ARFGEF3: variants seen among roughly 807,000 people sequenced by gnomAD.
ARFGEF3 encodes ARFGEF family member 3.
ARFGEF3 carries 96 observed loss-of-function variants against 221.7 expected under a neutral mutation model. The ratio of observed to expected loss-of-function variants is 0.43; its 90% CI spans 0.37 to 0.51. The LOEUF (loss-of-function observed/expected upper bound fraction) is 0.51, where lower values mean the gene tolerates loss of function less well. ARFGEF3 is among the 20% of genes least tolerant of loss of function. The pLI is 0.00. For missense variants in ARFGEF3, 2,410 were observed against 2,789.9 expected (o/e 0.86, Z 3.07); for synonymous variants, 1,145 against 1,126.8 (o/e 1.02, Z -0.32).
rs1776638059 is a variant in ARFGEF3 at position 138,162,451 on chromosome 6, G to C, written c.85+280G>C. Among the ~76,000 whole-genome samples the C allele has an allele frequency of 6.6e-6, 1 of 152,178 alleles. No individual in the cohort carries two copies. The highest frequency in any genetic ancestry group is 2.4e-5 in the African/African-American group (1 of 41,456). On this transcript the variant is annotated intron_variant, in intron 1 of 33. Transcript: ENST00000251691. This position sits in a 1 kb window ranked among gnomAD's most constrained non-coding sequence, Gnocchi z 4.7. Reference sequence around the variant, plus strand: ...TTCTCCTGGTCCCGGCGCTGGGGACGATGCTTCCCCATCGCCGAGTTAGGC... The same window carrying C: ...TTCTCCTGGTCCCGGCGCTGGGGACCATGCTTCCCCATCGCCGAGTTAGGC...
At chr6:138,264,234 G>T (rs934715559) in intron 12 of ARFGEF3, among the ~76,000 whole-genome samples, 1 of 152,148 alleles carries the variant, frequency 6.6e-6, no homozygotes, top group African/African-American at 2.4e-5. Flanking sequence ...TTATTGAAGG[G>T]CAGAAGAGAA....
chr6:138,264,918 T>G (rs80133302), intron 12 of ARFGEF3, among the ~76,000 whole-genome samples: 1 of 151,546 alleles, frequency 6.6e-6, no homozygotes, highest in Non-Finnish European at 1.5e-5. Flanking sequence ...TTTTTTTTTT[T>G]TCTGAGAGAA....
At chr6:138,292,925 A>T (rs935401525) in intron 19 of ARFGEF3, among the ~76,000 whole-genome samples, 2 of 152,240 alleles carry the variant, frequency 1.3e-5, no homozygotes, top group African/African-American at 4.8e-5. Context: ...GGAATATAAT[A>T]TTCATCACTG....
intron 24 of ARFGEF3, among the ~76,000 whole-genome samples, chr6:138,310,230 T>G (rs1226410605): frequency 6.6e-6 from 1 of 152,230 alleles, no homozygotes; most frequent in Admixed American, 6.5e-5. Context: ...TTGGGACGCC[T>G]GCTGTAATCG....
chr6:138,182,477 C>T (rs1402351703), intron 2 of ARFGEF3, among the ~76,000 whole-genome samples: 1 of 152,180 alleles, frequency 6.6e-6, no homozygotes, highest in East Asian at 1.9e-4. Flanking sequence ...AATGCAATTT[C>T]CAAGGAGCCA....
chr6:138,243,719 GA>G (rs66483625), intron 7 of ARFGEF3, among the ~76,000 whole-genome samples: 6 of 149,554 alleles, frequency 4.0e-5, no homozygotes, highest in South Asian at 2.1e-4. Flanking sequence ...GAGGAGGAGG[GA>G]AAAAAAAAGG....
At chr6:138,286,357 A>G (rs1220914356) in intron 15 of ARFGEF3, among the ~76,000 whole-genome samples, 8 of 151,692 alleles carry the variant, frequency 5.3e-5, no homozygotes, top group Admixed American at 5.3e-4. Flanking sequence ...GGCTGAGGCA[A>G]GAGAATGGCA....
chr6:138,318,785 A>G (rs1488351288), intron 27 of ARFGEF3, among the ~76,000 whole-genome samples: 1 of 152,238 alleles, frequency 6.6e-6, no homozygotes, highest in African/African-American at 2.4e-5. Context: ...AATGTTGAAC[A>G]AAGAAGCACA....
chr6:138,267,315 C>G (rs759015303), intron 12 of ARFGEF3, among the ~76,000 whole-genome samples: 9 of 152,086 alleles, frequency 5.9e-5, no homozygotes, highest in Non-Finnish European at 1.2e-4. Flanking sequence ...ATCCCAGTTA[C>G]TCAGGAGGCT....
intron 29 of ARFGEF3, 27 bp downstream of exon 29, chr6:138,321,252 A>G: frequency 8.3e-7 from 1 of 1,206,040 alleles, no homozygotes; most frequent in Non-Finnish European, 1.2e-6. Flanking sequence ...CTGACTCTCC[A>G]CAAAGCTGGA....
intron 8 of ARFGEF3, among the ~76,000 whole-genome samples, chr6:138,249,256 TTCAA>T (rs1340932705): frequency 6.6e-6 from 1 of 152,236 alleles, no homozygotes; most frequent in African/African-American, 2.4e-5. Context: ...GGTTGTAGAT[TTCAA>T]TCAGTCACTG....
At chr6:138,264,026 G>T (rs1778839379) in intron 12 of ARFGEF3, among the ~76,000 whole-genome samples, 1 of 152,166 alleles carries the variant, frequency 6.6e-6, no homozygotes, top group African/African-American at 2.4e-5. Context: ...TGCTGTCTTG[G>T]ATCAGTTGCA....
Position 138,262,953 on chromosome 6 carries a change from C to T in ARFGEF3, c.1470C>T (p.His490=), listed in dbSNP as rs774358613. The T allele has an allele frequency of 1.1e-5, 18 of 1,600,966 alleles. No homozygotes were observed. The highest frequency in any genetic ancestry group is 7.0e-5 in the Admixed American group (4 of 57,056). Reference sequence around the variant, plus strand: ...AGCGGCGAGTGCTGTCCTCAGAACACACGCCGTGGGAGTCAGGGAACGAGA... The same window carrying T: ...AGCGGCGAGTGCTGTCCTCAGAACATACGCCGTGGGAGTCAGGGAACGAGA... The part of the protein sequence containing the change: ...RWQRRVLSSE[H]TPWESGNERS... The change falls in exon 12 of 34, where the codon CAC becomes CAT. Residue 490 remains histidine (H), a synonymous_variant. Coordinates refer to ENST00000251691, the MANE Select transcript of ARFGEF3 (RefSeq NM_020340.5).
chr6:138,240,204 T>C (rs1778368710), intron 6 of ARFGEF3, among the ~76,000 whole-genome samples: 1 of 152,042 alleles, frequency 6.6e-6, no homozygotes, highest in Non-Finnish European at 1.5e-5. Flanking sequence ...GAAATTAAAA[T>C]ACATAAATAG....
At position 138,291,681 on chromosome 6, in the gene ARFGEF3, C is replaced by A. The variant is rs1218430415; in HGVS notation, c.3048-52C>A. The A allele has an allele frequency of 6.4e-6, 8 of 1,253,174 alleles. No individual in the cohort carries two copies. Among genetic ancestry groups the A allele is most frequent in the Non-Finnish European group, 8.2e-6 (8 of 975,464 alleles). 77.6% of individuals were successfully genotyped at this position (1,253,174 alleles called of 1,614,324 possible). On this transcript the variant is annotated intron_variant, in intron 18 of 33. Transcript: ENST00000251691. This position sits in a 1 kb window ranked among gnomAD's most constrained non-coding sequence, Gnocchi z 4.5. ...GTCTGGCACTGTGGGGTTTATGGAG[C>A]TGCCGGGGTGAGCTGCAGCGCCTAA...
chr6:138,163,676 T>G (rs1457030430), intron 1 of ARFGEF3, among the ~76,000 whole-genome samples: 1 of 152,150 alleles, frequency 6.6e-6, no homozygotes, highest in Non-Finnish European at 1.5e-5. Context: ...GTTGCTGAGT[T>G]TAGGTCCTTT....
chr6:138,313,502 G>C (rs1164917276), intron 25 of ARFGEF3, among the ~76,000 whole-genome samples: 4 of 152,162 alleles, frequency 2.6e-5, no homozygotes, highest in Admixed American at 2.6e-4. Context: ...GGTTCCTTCG[G>C]TAGGTTTATA....
intron 12 of ARFGEF3, among the ~76,000 whole-genome samples, chr6:138,277,770 A>T (rs550775166): frequency 6.6e-6 from 1 of 152,370 alleles, no homozygotes; most frequent in Admixed American, 6.5e-5. Context: ...ATAAACAAGT[A>T]TATGTTAATA....
intron 2 of ARFGEF3, among the ~76,000 whole-genome samples, chr6:138,171,327 A>C (rs1366594258): frequency 6.7e-6 from 1 of 148,768 alleles, no homozygotes; most frequent in Non-Finnish European, 1.5e-5. Context: ...CCATGGTAAA[A>C]GGATCAAATT....
Sources: gnomAD v4.1 joint callset for allele counts (sites outside exome capture counted in the v4.1 genomes callset) on GRCh38, gnomAD v4.1.1 for gene constraint, Gnocchi (gnomAD v3.1) non-coding constraint, MANE v1.5 for transcripts, NCBI Gene and HGNC (gene_info 2026-07-23, HGNC 2026-07-21) for gene names.